RTEL1: variants seen among roughly 807,000 people sequenced by gnomAD.
The protein encoded by RTEL1 is regulator of telomere length.
Under a neutral mutation model 162.2 loss-of-function variants are expected in RTEL1, and 86 were observed. The ratio of observed to expected loss-of-function variants is 0.53; its 90% CI spans 0.45 to 0.63. RTEL1 has a LOEUF of 0.63. Ranked by LOEUF, RTEL1 falls within the 30% of genes least tolerant of loss-of-function variation. The pLI is 0.00. For synonymous variants in RTEL1, 958 were observed against 717.9 expected (o/e 1.33, Z -5.35); for missense variants, 1,941 against 1,750.2 (o/e 1.11, Z -1.95).
At chr20:63,682,143 C>T (rs564991571) in intron 14 of RTEL1, 7 of 985,330 alleles carry the variant, frequency 7.1e-6, no homozygotes, top group Admixed American at 6.1e-5. Flanking sequence ...GGAGAAGTCT[C>T]CTCCACACTA....
chr20:63,682,862 C>T (rs1468596828), intron 14 of RTEL1, among the ~76,000 whole-genome samples: 5 of 152,244 alleles, frequency 3.3e-5, no homozygotes, highest in Admixed American at 2.0e-4. Context: ...AGTGCTGGCC[C>T]GTGTTGGGGA....
intron 14 of RTEL1, among the ~76,000 whole-genome samples, chr20:63,684,393 G>T (rs1298047830): frequency 6.6e-6 from 1 of 152,150 alleles, no homozygotes; most frequent in Non-Finnish European, 1.5e-5. Flanking sequence ...TGCTCTTGTT[G>T]CCCAGGCTGG....
intron 14 of RTEL1, among the ~76,000 whole-genome samples, chr20:63,683,812 T>C (rs2090528876): frequency 6.6e-6 from 1 of 152,164 alleles, no homozygotes; most frequent in South Asian, 2.1e-4. Flanking sequence ...GCAGGCATCA[T>C]TCCTTTCCCA....
intron 2 of RTEL1, among the ~76,000 whole-genome samples, chr20:63,660,491 C>T (rs753211005): frequency 3.3e-5 from 5 of 152,252 alleles, no homozygotes; most frequent in Non-Finnish European, 7.3e-5. Flanking sequence ...CTGCACAGCT[C>T]TAGATCCCTT....
At chr20:63,664,409 G>A (rs973595166) in intron 6 of RTEL1, among the ~76,000 whole-genome samples, 2 of 152,134 alleles carry the variant, frequency 1.3e-5, no homozygotes, top group African/African-American at 4.8e-5. Context: ...TGCTGGGCCT[G>A]GGACCTGGTG....
chr20:63,667,231 G>A (rs1406726392), intron 7 of RTEL1, among the ~76,000 whole-genome samples: 1 of 152,104 alleles, frequency 6.6e-6, no homozygotes, highest in East Asian at 1.9e-4. Context: ...TTAAAGAGAC[G>A]ACGATTTACA....
intron 14 of RTEL1, chr20:63,681,537 C>T (rs796940946): frequency 1.0e-6 from 1 of 985,048 alleles, no homozygotes; most frequent in African/African-American, 1.8e-5. Flanking sequence ...GAGTGTCCAT[C>T]TGGCCTGTGG....
chr20:63,695,845 CAGAGCCCCAGTG>C lies in RTEL1; in HGVS notation c.3893_*1del. Reference sequence around the variant, plus strand: ...CAGAGCGTCATGCAGGTCTTCTGGCCAGAGCCCCAGTGAGTGCCCACGGAGGCCCCCAGCACA... The same window carrying C: ...CAGAGCGTCATGCAGGTCTTCTGGCCAGTGCCCACGGAGGCCCCCAGCACA... On this transcript the variant is annotated stop_lost and inframe_deletion, in exon 35 of 35. Coordinates refer to ENST00000360203, the MANE Select transcript of RTEL1 (RefSeq NM_001283009.2). The C allele has an allele frequency of 6.3e-7, 1 of 1,592,762 alleles. No individual in the cohort carries two copies. Among genetic ancestry groups the C allele is most frequent in the Non-Finnish European group, 8.5e-7 (1 of 1,171,380 alleles).
rs750109305 is a variant in RTEL1 at position 63,693,224 on chromosome 20, A to G, written c.2933A>G (p.Tyr978Cys). The G allele has an allele frequency of 4.3e-6, 7 of 1,612,108 alleles. No individual in the cohort carries two copies. Among genetic ancestry groups the G allele is most frequent in the East Asian group, 2.2e-5 (1 of 44,878 alleles). ...CIQLTGRGCG[Y>C]RPEHSIPRRQ... ...CAGCTGACAGGACGAGGCTGTGGCT[A>G]TCGGCCTGAGCACAGCATTCCCCGA... Residue 978 changes from tyrosine (Y) to cysteine (C), a missense_variant, in exon 30 of 35, where the codon TAT (tyrosine) becomes TGT (cysteine). Tyr to Cys is a radical substitution (Grantham distance 194, BLOSUM62 -2). Transcript: ENST00000360203.
Position 63,662,599 on chromosome 20 carries a change from T to C in RTEL1, c.449T>C (p.Val150Ala), listed in dbSNP as rs768524404. 1.2e-6 allele frequency: 2 copies of C among 1,613,854 alleles called. No homozygotes were observed. The highest frequency in any genetic ancestry group is 2.2e-5 in the South Asian group (2 of 91,062). The change falls in exon 5 of 35, where the codon GTG (valine) becomes GCG (alanine). Residue 150 changes from valine (V) to alanine (A), a missense_variant. Val to Ala is a moderately conservative substitution (Grantham distance 64, BLOSUM62 0). Coordinates refer to ENST00000360203, the MANE Select transcript of RTEL1 (RefSeq NM_001283009.2). ...GAGCAGCTGTGCATCCATCCTGAGG[T>C]GAAGAAACAAGAGAGTAACCATCTA... ...SREQLCIHPEVKKQESNHLQI... is the reference protein window; with the variant it reads ...SREQLCIHPEAKKQESNHLQI...
Position 63,661,569 on chromosome 20 carries a change from T to C in RTEL1, c.301+73T>C. 7.0e-7 allele frequency: 1 copy of C among 1,434,416 alleles called. No individual in the cohort carries two copies. Among genetic ancestry groups the C allele is most frequent in the Non-Finnish European group, 9.5e-7 (1 of 1,055,038 alleles). The allele number at this position is 1,434,416 out of a possible 1,614,324, so 88.9% of individuals were successfully genotyped here. A position where few individuals can be genotyped will look rare whatever the true frequency, so the allele number is the denominator to read the frequency against. ...GCAAGGGATGGCGCTGAGGGTGGGG[T>C]GGGCCCATGGGGACTCCTGCCGTCT... On this transcript the variant is annotated intron_variant, in intron 3 of 34. Transcript: ENST00000360203. This position sits in a 1 kb window ranked among gnomAD's most constrained non-coding sequence, Gnocchi z 5.1.
rs749693982 is a variant in RTEL1 at position 63,690,217 on chromosome 20, T to G, written c.2265+7T>G. On this transcript the variant is annotated splice_region_variant and intron_variant, in intron 25 of 34. Transcript: ENST00000360203. ...CCGTGTTGCCGAGCGAACTGTGAGT[T>G]CCTGCCCAGGGAGGGGATGAGGGTG... The G allele has an allele frequency of 2.5e-6, 4 of 1,611,898 alleles. No individual in the cohort carries two copies. Among genetic ancestry groups the G allele is most frequent in the Admixed American group, 1.7e-5 (1 of 59,978 alleles).
chr20:63,688,017 A>T lies in RTEL1; in HGVS notation c.1562A>T (p.Asp521Val). The T allele has an allele frequency of 6.2e-7, 1 of 1,612,768 alleles. No individual in the cohort carries two copies. The highest frequency in any genetic ancestry group is 8.5e-7 in the Non-Finnish European group (1 of 1,179,982). The change falls in exon 18 of 35, where the codon GAT becomes GTT. Residue 521 changes from aspartate (D) to valine (V), a missense_variant. By Grantham distance (152) the Asp-to-Val change is radical. Transcript: ENST00000360203. Reference sequence around the variant, plus strand: ...GTGGGGGTCGTCCCCAGAGGCCCCGATGGAGCCCAGTTGAGCTCCGCGTTT... The same window carrying T: ...GTGGGGGTCGTCCCCAGAGGCCCCGTTGGAGCCCAGTTGAGCTCCGCGTTT... ...IWVGVVPRGP[D>V]GAQLSSAFDR...
chr20:63,665,993 C>G lies in RTEL1; in HGVS notation c.539-11C>G. 6.2e-7 allele frequency: 1 copy of G among 1,613,768 alleles called. No homozygotes were observed. Among genetic ancestry groups the G allele is most frequent in the Non-Finnish European group, 8.5e-7 (1 of 1,179,750 alleles). ...TGAGGGTGTGTGTTTACCCCTGCCT[C>G]ACACCTGCAGAAAAAAGCCTGGAGC... On this transcript the variant is annotated splice_polypyrimidine_tract_variant and intron_variant, in intron 6 of 34. Coordinates refer to ENST00000360203, the MANE Select transcript of RTEL1 (RefSeq NM_001283009.2).
At position 63,674,987 on chromosome 20, in the gene RTEL1, A is replaced by T. The variant is rs543524987; in HGVS notation, c.919+894A>T. The stretch of plus-strand genomic sequence containing the variant: ...CAATGGCGCGATCTTGGCTCACTGC[A>T]ACCTCCGCCTCCTGGGTTCAAGCAA... On this transcript the variant is annotated intron_variant, in intron 10 of 34. Transcript: ENST00000360203. 8.6e-5 allele frequency among the ~76,000 whole-genome samples: 13 copies of T among 151,382 alleles called. No individual in the cohort carries two copies. In the South Asian group the frequency reaches 2.3e-3, roughly 27 times the overall value.
chr20:63,694,989 C>A lies in RTEL1; in HGVS notation c.3343+15C>A. ...CCTGCTGCACAGCAAGTGGCCCTGG[C>A]GTGGGGAACAGCCGGTGGGGTGGGG... is the stretch of plus-strand genomic sequence containing the variant. On this transcript the variant is annotated intron_variant, in intron 32 of 34. Coordinates refer to ENST00000360203, the MANE Select transcript of RTEL1 (RefSeq NM_001283009.2). The A allele has an allele frequency of 2.5e-6, 4 of 1,610,100 alleles. No individual in the cohort carries two copies. In the South Asian group the frequency reaches 4.4e-5, roughly 18 times the overall value.
chr20:63,685,671 A>G, intron 15 of RTEL1, 74 bp downstream of exon 15: 2 of 1,588,342 alleles, frequency 1.3e-6, no homozygotes, highest in South Asian at 1.1e-5. Flanking sequence ...TTACAGTCCT[A>G]TAAGGTGGGG....
At chr20:63,665,908 C>A in intron 6 of RTEL1, 96 bp from the exon 7 acceptor site, 1 of 1,162,422 alleles carries the variant, frequency 8.6e-7, no homozygotes, top group East Asian at 2.5e-5. Context: ...CAGCCCTGCC[C>A]GCCGTGTAGG....
At chr20:63,664,027 G>T (rs996220338) in intron 6 of RTEL1, among the ~76,000 whole-genome samples, 1 of 152,186 alleles carries the variant, frequency 6.6e-6, no homozygotes, top group Non-Finnish European at 1.5e-5. Flanking sequence ...CCTCTGTGTT[G>T]CTTCTTGTTC....
Sources: allele counts gnomAD v4.1 joint callset (sites outside exome capture counted in the v4.1 genomes callset), GRCh38; gene constraint gnomAD v4.1.1; non-coding constraint Gnocchi (gnomAD v3.1); transcripts MANE v1.5; gene names NCBI Gene and HGNC (gene_info 2026-07-23, HGNC 2026-07-21).